SPAG1: variants seen among roughly 807,000 people sequenced by gnomAD.
SPAG1 encodes the protein sperm associated antigen 1, also known as sperm-associated antigen 1.
Under a neutral mutation model 100.5 loss-of-function variants are expected in SPAG1, and 69 were observed. That is an observed-to-expected ratio of 0.69 (90% CI 0.57 to 0.84). The LOEUF (loss-of-function observed/expected upper bound fraction) is 0.84. Ranked by LOEUF, SPAG1 falls within the 40% of genes least tolerant of loss-of-function variation. The pLI is 0.00. For synonymous variants in SPAG1, 336 were observed against 411.6 expected, an observed-to-expected ratio of 0.82 and a Z score of 2.22; for missense variants, 955 against 1,133.1, an observed-to-expected ratio of 0.84 and a Z score of 2.26.
chr8:100,225,844 T>G (rs2132406291), intron 14 of SPAG1, among the ~76,000 whole-genome samples: 1 of 152,148 alleles, frequency 6.6e-6, no homozygotes, highest in East Asian at 1.9e-4. Flanking sequence ...TTGTTTTGTT[T>G]TGTTTTGAGA....
intron 9 of SPAG1, among the ~76,000 whole-genome samples, chr8:100,192,522 T>G (rs1424195917): frequency 6.6e-6 from 1 of 152,154 alleles, no homozygotes; most frequent in Admixed American, 6.5e-5. Context: ...AGAAAGAAGG[T>G]GGTTTAGTGC....
Position 100,183,448 on chromosome 8 carries a change from A to AT in SPAG1, c.488+13dup, listed in dbSNP as rs1326872140. ...GCGGAATGGGATAAGTATGTTTTACATGTCTTTATATAAAATGTATCACTA... is the reference window on the plus strand; with the variant it reads ...GCGGAATGGGATAAGTATGTTTTACATTGTCTTTATATAAAATGTATCACTA... On this transcript the variant is annotated intron_variant, in intron 5 of 18. Transcript: ENST00000388798. The AT allele has an allele frequency of 2.2e-6, 3 of 1,357,166 alleles. No individual in the cohort carries two copies. In the Admixed American group the frequency reaches 6.0e-5, roughly 27 times the overall value. 84.1% of individuals were successfully genotyped at this position (1,357,166 alleles called of 1,614,324 possible).
intron 4 of SPAG1, among the ~76,000 whole-genome samples, chr8:100,181,621 C>T (rs1022112851): frequency 2.6e-5 from 4 of 152,214 alleles, no homozygotes; most frequent in African/African-American, 7.2e-5. Flanking sequence ...TTCCTTGGCT[C>T]TTCCAGCTTT....
At chr8:100,203,792 C>T (rs904255570) in intron 10 of SPAG1, among the ~76,000 whole-genome samples, 2 of 152,178 alleles carry the variant, frequency 1.3e-5, no homozygotes, top group Non-Finnish European at 2.9e-5. Context: ...CAAGATTGCC[C>T]TGAGTGAGAG....
intron 13 of SPAG1, among the ~76,000 whole-genome samples, chr8:100,223,952 AT>A (rs1818393386): frequency 6.6e-6 from 1 of 152,196 alleles, no homozygotes; most frequent in Non-Finnish European, 1.5e-5. Flanking sequence ...ATATATAAAT[AT>A]AAAAGTTTTT....
chr8:100,164,004 G>A (rs541677443), intron 2 of SPAG1, among the ~76,000 whole-genome samples: 1 of 152,128 alleles, frequency 6.6e-6, no homozygotes, highest in East Asian at 1.9e-4. Context: ...TATTTTTCTA[G>A]AAATGTAAGA....
intron 14 of SPAG1, among the ~76,000 whole-genome samples, chr8:100,226,761 T>C (rs1285809475): frequency 6.6e-6 from 1 of 152,072 alleles, no homozygotes; most frequent in African/African-American, 2.4e-5. Context: ...GTGATGAGGC[T>C]AAAGGAATAA....
chr8:100,165,931 T>C lies in SPAG1; in HGVS notation c.258T>C (p.Ser86=), dbSNP rs1454446286. The change falls in exon 3 of 19, where the codon AGT becomes AGC. Residue 86 remains serine, a synonymous_variant. Coordinates refer to ENST00000388798, the MANE Select transcript of SPAG1 (RefSeq NM_003114.5). ...ATAAACCAGCAGCAACAGCAGCCAGTTTTACAGCTGAAGAATGGGAAAAAA... is the reference window on the plus strand; with the variant it reads ...ATAAACCAGCAGCAACAGCAGCCAGCTTTACAGCTGAAGAATGGGAAAAAA... The part of the protein sequence containing the change: ...RKDKPAATAA[S]FTAEEWEKID... 1 of 1,613,972 alleles carries C rather than the reference T, an allele frequency of 6.2e-7. No individual in the cohort carries two copies. The highest frequency in any genetic ancestry group is 1.3e-5 in the African/African-American group (1 of 74,918).
chr8:100,176,842 T>TCCTCTCCTCTCCTCG (rs1563775400), intron 3 of SPAG1, among the ~76,000 whole-genome samples: 1 of 143,914 alleles, frequency 6.9e-6, no homozygotes, highest in Non-Finnish European at 1.5e-5. Flanking sequence ...TCCTCTCCTC[T>TCCTCTCCTCTCCTCG]TCTCTCTCCT....
chr8:100,228,250 A>G (rs1475560248), intron 14 of SPAG1, among the ~76,000 whole-genome samples: 1 of 152,032 alleles, frequency 6.6e-6, no homozygotes, highest in Non-Finnish European at 1.5e-5. Flanking sequence ...GACAAATAAG[A>G]TTATTGTTTA....
At position 100,241,155 on chromosome 8, in the gene SPAG1, T is replaced by A; in HGVS notation, c.*133T>A. The stretch of plus-strand genomic sequence containing the variant: ...GGTCTGCACTATAAAACATTTTACT[T>A]ATTTTCCTACATAGAACATGTATAT... On this transcript the variant is annotated 3_prime_UTR_variant, in exon 19 of 19. Transcript: ENST00000388798. This position sits in a 1 kb window ranked among gnomAD's most constrained non-coding sequence, Gnocchi z 5.1. The A allele has an allele frequency of 2.8e-6, 2 of 724,874 alleles. No individual in the cohort carries two copies. The highest frequency in any genetic ancestry group is 4.3e-6 in the Non-Finnish European group (2 of 466,710). 44.9% of individuals were successfully genotyped at this position (724,874 alleles called of 1,614,324 possible). A position where few individuals can be genotyped will look rare whatever the true frequency, so the allele number is the denominator to read the frequency against.
At chr8:100,184,859 T>G in intron 7 of SPAG1, 126 bp downstream of exon 7, 1 of 611,714 alleles carries the variant, frequency 1.6e-6, no homozygotes, top group Non-Finnish European at 2.8e-6. Flanking sequence ...TTGTGATTTA[T>G]CATATATTCA....
intron 10 of SPAG1, among the ~76,000 whole-genome samples, chr8:100,204,082 C>T (rs1817402075): frequency 6.6e-6 from 1 of 152,136 alleles, no homozygotes; most frequent in Admixed American, 6.6e-5. Flanking sequence ...GGCAACATCC[C>T]CTCCCTGATC....
chr8:100,197,157 T>A (rs1381168934), intron 10 of SPAG1, among the ~76,000 whole-genome samples: 2 of 152,034 alleles, frequency 1.3e-5, no homozygotes, highest in African/African-American at 4.8e-5. Flanking sequence ...TTCTTTCTGA[T>A]AGAAAGAATA....
rs181163962 is a variant in SPAG1 at position 100,233,210 on chromosome 8, C to G, written c.1989-201C>G. On this transcript the variant is annotated intron_variant, in intron 15 of 18. Transcript: ENST00000388798. ...TCTGTCTCTTCCACTTGATTGCATCCTCCTTGAGGGCTGTGACTGTATTTT... is the reference window on the plus strand; with the variant it reads ...TCTGTCTCTTCCACTTGATTGCATCGTCCTTGAGGGCTGTGACTGTATTTT... 5.9e-4 allele frequency: 305 copies of G among 516,362 alleles called. 1 individual carries two copies. The highest frequency in any genetic ancestry group is 5.2e-3 in the African/African-American group (273 of 52,160). The allele number at this position is 516,362 out of a possible 1,614,324, so 32.0% of individuals were successfully genotyped here.
chr8:100,220,515 T>G (rs1284960822), intron 13 of SPAG1, 84 bp downstream of exon 13: 3 of 1,123,672 alleles, frequency 2.7e-6, no homozygotes, highest in East Asian at 5.0e-5. Context: ...TGTCAAAATA[T>G]AGATGTGTTA....
In SPAG1 at chr8:100,162,978, A is replaced by T. The variant is rs13248695; in HGVS notation, c.140+558A>T. On this transcript the variant is annotated intron_variant, in intron 2 of 18. Transcript: ENST00000388798. ...ATAAAAAAATAAAAAATAATAATAA[A>T]AAAAATAAAAAAAGCTATTAGGAGG... 1.3e-3 allele frequency among the ~76,000 whole-genome samples: 191 copies of T among 152,032 alleles called. 1 individual carries two copies. The highest frequency in any genetic ancestry group is 4.2e-3 in the African/African-American group (174 of 41,514).
intron 11 of SPAG1, 57 bp from the exon 12 acceptor site, chr8:100,213,762 G>T: frequency 9.0e-7 from 1 of 1,111,204 alleles, no homozygotes; most frequent in Non-Finnish European, 1.4e-6. Flanking sequence ...TGTAATTCTG[G>T]TGAACTGTGA....
At chr8:100,210,775 C>T (rs1162497956) in intron 10 of SPAG1, among the ~76,000 whole-genome samples, 1 of 151,950 alleles carries the variant, frequency 6.6e-6, no homozygotes, top group Non-Finnish European at 1.5e-5. Context: ...CCTGCCTCAG[C>T]CTGCCAGAGT....
Sources: gnomAD v4.1 joint callset for allele counts (sites outside exome capture counted in the v4.1 genomes callset) on GRCh38, gnomAD v4.1.1 for gene constraint, Gnocchi (gnomAD v3.1) non-coding constraint, MANE v1.5 for transcripts, NCBI Gene and HGNC (gene_info 2026-07-23, HGNC 2026-07-21) for gene names.